Variants in CNBD1 observed in about 807,000 individuals in gnomAD.
CNBD1 encodes the protein cyclic nucleotide-binding domain-containing protein 1.
CNBD1 carries 71 observed loss-of-function variants against 54.4 expected under a neutral mutation model. The observed-to-expected ratio is 1.30, with a 90% CI of 1.08 to 1.59. CNBD1 has a LOEUF of 1.59. Ranked by LOEUF, CNBD1 falls within the 40% of genes most tolerant of loss-of-function variation. The pLI is 0.00. For synonymous variants in CNBD1, 182 were observed against 170.7 expected (o/e 1.07, Z -0.51); for missense variants, 659 against 518.0 (o/e 1.27, Z -2.64).
chr8:87,366,818 G>A (rs1030332648), intron 10 of CNBD1, among the ~76,000 whole-genome samples: 4 of 151,962 alleles, frequency 2.6e-5, no homozygotes, highest in East Asian at 1.9e-4. Flanking sequence ...AGAAGAGGAT[G>A]GCAAACAAAT....
At chr8:87,064,157 T>G (rs1810599241) in intron 4 of CNBD1, among the ~76,000 whole-genome samples, 1 of 152,052 alleles carries the variant, frequency 6.6e-6, no homozygotes, top group Non-Finnish European at 1.5e-5. Context: ...AGCATAGAGT[T>G]GTGGTTCTCT....
intron 4 of CNBD1, among the ~76,000 whole-genome samples, chr8:87,032,336 A>C (rs1809813243): frequency 6.6e-6 from 1 of 152,194 alleles, no homozygotes; most frequent in Admixed American, 6.5e-5. Context: ...AAGCCTTACT[A>C]ATTATATAAA....
intron 1 of CNBD1, among the ~76,000 whole-genome samples, chr8:86,871,972 G>A (rs1808448878): frequency 6.6e-6 from 1 of 151,826 alleles, no homozygotes; most frequent in Non-Finnish European, 1.5e-5. Context: ...AATTACTAGA[G>A]TTAAAGTACT....
chr8:87,028,952 T>C (rs535693253), intron 4 of CNBD1, among the ~76,000 whole-genome samples: 6 of 152,350 alleles, frequency 3.9e-5, no homozygotes, highest in African/African-American at 1.4e-4. Flanking sequence ...CTAACACTTG[T>C]TACATTTTGA....
At chr8:87,148,659 C>A (rs1812539534) in intron 4 of CNBD1, among the ~76,000 whole-genome samples, 1 of 152,126 alleles carries the variant, frequency 6.6e-6, no homozygotes, top group Admixed American at 6.5e-5. Context: ...AGGCAACCCA[C>A]CAAGCTTTTG....
chr8:87,247,003 C>T (rs1253129888), intron 6 of CNBD1, among the ~76,000 whole-genome samples: 1 of 152,054 alleles, frequency 6.6e-6, no homozygotes, highest in East Asian at 1.9e-4. Context: ...TGCCTATGTC[C>T]AGTCTACTCC....
At chr8:87,022,402 A>T (rs942505995) in intron 4 of CNBD1, among the ~76,000 whole-genome samples, 1 of 152,208 alleles carries the variant, frequency 6.6e-6, no homozygotes, top group Non-Finnish European at 1.5e-5. Context: ...AGGACTCCAC[A>T]TGAAATATTT....
chr8:87,195,446 T>A (rs2130789219), intron 4 of CNBD1, among the ~76,000 whole-genome samples: 1 of 152,024 alleles, frequency 6.6e-6, no homozygotes, highest in South Asian at 2.1e-4. Context: ...CAGGCTGGTC[T>A]TGAACTCCTG....
intron 4 of CNBD1, among the ~76,000 whole-genome samples, chr8:87,069,796 G>T (rs1222379208): frequency 3.3e-5 from 5 of 151,950 alleles, no homozygotes; most frequent in African/African-American, 1.2e-4. Context: ...TTTCATATGG[G>T]CATATAATAC....
At chr8:86,903,042 G>A (rs575257882) in intron 2 of CNBD1, among the ~76,000 whole-genome samples, 13 of 152,178 alleles carry the variant, frequency 8.5e-5, no homozygotes, top group Admixed American at 2.6e-4. Context: ...ATAAATTATA[G>A]CATTACAGGC....
chr8:87,173,804 T>G lies in CNBD1; in HGVS notation c.432-32189T>G, dbSNP rs529303035. 6.6e-5 allele frequency among the ~76,000 whole-genome samples: 10 copies of G among 152,112 alleles called. No homozygotes were observed. In the East Asian group the frequency reaches 1.7e-3, roughly 26 times the overall value. ...GTACATGGATATTGATAACTTTCTC[T>G]AGGTTTGGAAAGTTTCTGTTATTAT... On this transcript the variant is annotated intron_variant, in intron 4 of 10. Transcript: ENST00000518476.
At chr8:87,311,863 A>G (rs1809273048) in intron 8 of CNBD1, among the ~76,000 whole-genome samples, 1 of 152,128 alleles carries the variant, frequency 6.6e-6, no homozygotes, top group Non-Finnish European at 1.5e-5. Flanking sequence ...CAAATACTGC[A>G]TGTTCTCACT....
chr8:87,412,244 C>T (rs1807758771), intron 2 of CNBD1, among the ~76,000 whole-genome samples: 1 of 152,046 alleles, frequency 6.6e-6, no homozygotes, highest in African/African-American at 2.4e-5. Flanking sequence ...ACATCCAAAT[C>T]CTTGATATAT....
At chr8:87,230,941 T>G (rs1814675504) in intron 5 of CNBD1, among the ~76,000 whole-genome samples, 1 of 152,194 alleles carries the variant, frequency 6.6e-6, no homozygotes, top group South Asian at 2.1e-4. Flanking sequence ...GCTCAATAAT[T>G]AACAATGTCT....
chr8:87,335,484 T>C (rs1809925333), intron 8 of CNBD1, among the ~76,000 whole-genome samples: 1 of 152,200 alleles, frequency 6.6e-6, no homozygotes, highest in South Asian at 2.1e-4. Context: ...TTTTTGATCT[T>C]TGTTGATTAA....
chr8:87,171,618 G>GTTTTTC (rs913267429), intron 4 of CNBD1, among the ~76,000 whole-genome samples: 3 of 151,160 alleles, frequency 2.0e-5, no homozygotes, highest in African/African-American at 7.3e-5. Flanking sequence ...TTTATTTGAA[G>GTTTTTC]TTTTTCTTTT....
intron 10 of CNBD1, among the ~76,000 whole-genome samples, chr8:87,377,515 T>G (rs996735939): frequency 1.4e-4 from 21 of 152,048 alleles, no homozygotes; most frequent in Non-Finnish European, 2.1e-4. Flanking sequence ...GTATTCCATG[T>G]TGTATATGTG....
intron 4 of CNBD1, among the ~76,000 whole-genome samples, chr8:87,169,476 T>G (rs2130766869): frequency 6.6e-6 from 1 of 152,234 alleles, no homozygotes; most frequent in African/African-American, 2.4e-5. Flanking sequence ...TCAAGAAATC[T>G]TCGCCCACCC....
rs34829455 is a variant in CNBD1, at chr8:87,241,268, A to ATTTTTTTTTTTT, written c.771+4168_771+4179dup. Among the ~76,000 whole-genome samples the ATTTTTTTTTTTT allele has an allele frequency of 6.4e-5, 6 of 93,864 alleles. 1 individual carries two copies. The highest frequency in any genetic ancestry group is 2.4e-4 in the African/African-American group (5 of 20,486). 61.6% of individuals were successfully genotyped at this position (93,864 alleles called of 152,430 possible). ...GGGCACAAAAATCTGTATTTGGAAG[A>ATTTTTTTTTTTT]TTTTTTTTTTTTTTTTTTTTTTTGA... On this transcript the variant is annotated intron_variant, in intron 6 of 10. Coordinates refer to ENST00000518476, the MANE Select transcript of CNBD1 (RefSeq NM_173538.3).
Sources: allele counts gnomAD v4.1 joint callset (sites outside exome capture counted in the v4.1 genomes callset), GRCh38; gene constraint gnomAD v4.1.1; transcripts MANE v1.5; gene names NCBI Gene and HGNC (gene_info 2026-07-23, HGNC 2026-07-21).